LEO1: variants seen among roughly 807,000 people sequenced by gnomAD.
LEO1 encodes LEO1 component of Paf1/RNA polymerase II complex.
A neutral mutation model predicts 80.4 loss-of-function variants in LEO1; 34 were observed. The ratio of observed to expected loss-of-function variants is 0.42; its 90% CI spans 0.32 to 0.56. The LOEUF (loss-of-function observed/expected upper bound fraction) is 0.56. Ranked by LOEUF, LEO1 falls within the 20% of genes least tolerant of loss-of-function variation. The pLI, the probability that LEO1 is intolerant of heterozygous loss-of-function variation, is 0.10. For missense variants in LEO1, 631 were observed against 814.2 expected (o/e 0.77, Z 2.74); for synonymous variants, 262 against 274.9 (o/e 0.95, Z 0.46).
intron 2 of LEO1, among the ~76,000 whole-genome samples, chr15:51,963,807 CAGA>C (rs2057051366): frequency 6.8e-6 from 1 of 146,496 alleles, no homozygotes; most frequent in East Asian, 2.0e-4. Flanking sequence ...GAAGCTGAGG[CAGA>C]AGAATTGCTT....
chr15:51,965,912 C>T lies in LEO1; in HGVS notation c.651G>A (p.Pro217=), dbSNP rs141332132. The change falls in exon 2 of 12, where the codon CCG becomes CCA. Residue 217 remains proline (P), a synonymous_variant. Coordinates refer to ENST00000299601, the MANE Select transcript of LEO1 (RefSeq NM_138792.4). The stretch of plus-strand genomic sequence containing the variant: ...TCTCATCATCATTATCAGAAGCTAC[C>T]GGCCGTTCATCATCAGAATTAGCCT... ...EEKANSDDER[P]VASDNDDEKQ... 24 of 1,613,938 alleles carry T rather than the reference C, an allele frequency of 1.5e-5. No individual in the cohort carries two copies. In the African/African-American group the frequency reaches 2.3e-4, roughly 15 times the overall value.
rs2056888204 is a variant in LEO1 at position 51,945,155 on chromosome 15, G to T, written c.1896+2137C>A. On this transcript the variant is annotated intron_variant, in intron 11 of 11. Coordinates refer to ENST00000299601, the MANE Select transcript of LEO1 (RefSeq NM_138792.4). The stretch of plus-strand genomic sequence containing the variant: ...AAAACAGTCCATCGCAGTGGCTTAT[G>T]CCTGTAATCCCAGCACTTTGGGAAG... Among the ~76,000 whole-genome samples, 3 of 150,796 alleles carry T rather than the reference G, an allele frequency of 2.0e-5. No homozygotes were observed. The South Asian group carries it at 6.3e-4, about 32-fold the overall frequency.
At chr15:51,968,881 G>A (rs974321294) in intron 1 of LEO1, among the ~76,000 whole-genome samples, 1 of 151,670 alleles carries the variant, frequency 6.6e-6, no homozygotes, top group Admixed American at 6.6e-5. Context: ...GAAAATATTT[G>A]CAAACCATGT....
chr15:51,950,042 G>T, intron 9 of LEO1, 48 bp from the exon 10 acceptor site: 1 of 1,505,272 alleles, frequency 6.6e-7, no homozygotes. Flanking sequence ...AGCTACTTTT[G>T]TGCCCACTTG....
intron 3 of LEO1, among the ~76,000 whole-genome samples, chr15:51,961,780 A>G (rs1225226017): frequency 6.6e-6 from 1 of 152,110 alleles, no homozygotes; most frequent in Non-Finnish European, 1.5e-5. Context: ...GGAACAAAAC[A>G]CCGAGACTGT....
At chr15:51,955,419 G>A (rs2056981417) in intron 6 of LEO1, among the ~76,000 whole-genome samples, 1 of 152,190 alleles carries the variant, frequency 6.6e-6, no homozygotes, top group African/African-American at 2.4e-5. Flanking sequence ...TAGGTTTAGA[G>A]CCTAACTATC....
chr15:51,939,117 G>A (rs1971084), intron 11 of LEO1, among the ~76,000 whole-genome samples: 1,783 of 152,306 alleles, frequency 0.012, 25 homozygotes, highest in Non-Finnish European at 0.021. Flanking sequence ...CCCAGGAGGC[G>A]AAGGTTGCAG....
rs748166719 is a variant in LEO1 at position 51,949,908 on chromosome 15, G to A, written c.1698C>T (p.Ser566=). ...ATCGATCAGGTTCCAGGTAACTGGC[G>A]CTCAGCCCCCGCTGGTGCTGTTTCT... ...MREKQHQRGL[S]ASYLEPDRYD... The change falls in exon 10 of 12, where the codon AGC becomes AGT. Residue 566 remains serine, a synonymous_variant. Coordinates refer to ENST00000299601, the MANE Select transcript of LEO1 (RefSeq NM_138792.4). 3.1e-6 allele frequency: 5 copies of A among 1,613,984 alleles called. No homozygotes were observed. Among genetic ancestry groups the A allele is most frequent in the South Asian group, 2.2e-5 (2 of 91,068 alleles).
intron 9 of LEO1, among the ~76,000 whole-genome samples, chr15:51,951,505 T>A (rs1442246922): frequency 6.6e-6 from 1 of 152,264 alleles, no homozygotes. Context: ...CACTACTCTC[T>A]AGTATCTCCA....
At chr15:51,961,358 T>C (rs1187692727) in intron 3 of LEO1, among the ~76,000 whole-genome samples, 1 of 138,130 alleles carries the variant, frequency 7.2e-6, no homozygotes, top group Non-Finnish European at 1.5e-5. Context: ...TACCAGGTGG[T>C]GGTGGTGGTG....
chr15:51,943,942 G>A (rs961327812), intron 11 of LEO1, among the ~76,000 whole-genome samples: 1 of 152,004 alleles, frequency 6.6e-6, no homozygotes, highest in Non-Finnish European at 1.5e-5. Context: ...ACAGAATGAA[G>A]AAAAATGAAT....
At chr15:51,961,890 A>C (rs2057033869) in intron 3 of LEO1, among the ~76,000 whole-genome samples, 2 of 151,156 alleles carry the variant, frequency 1.3e-5, no homozygotes, top group Non-Finnish European at 3.0e-5. Flanking sequence ...GACTGGGCGC[A>C]GTGATTCACG....
intron 4 of LEO1, among the ~76,000 whole-genome samples, chr15:51,960,408 C>G (rs925812532): frequency 1.3e-5 from 2 of 152,170 alleles, no homozygotes; most frequent in African/African-American, 4.8e-5. Context: ...TCTCAAATCA[C>G]AAGTCCTCAC....
intron 10 of LEO1, 36 bp downstream of exon 10, chr15:51,949,772 C>A (rs780506527): frequency 1.3e-6 from 2 of 1,574,190 alleles, no homozygotes; most frequent in Admixed American, 1.7e-5. Context: ...TCCAGAATCC[C>A]GAAATGATGA....
intron 11 of LEO1, among the ~76,000 whole-genome samples, chr15:51,941,048 G>A (rs2056847684): frequency 6.6e-6 from 1 of 151,906 alleles, no homozygotes; most frequent in African/African-American, 2.4e-5. Context: ...ACTCCAGTCT[G>A]GGCAACAGAG....
chr15:51,966,419 A>G lies in LEO1; in HGVS notation c.144T>C (p.Asp48=). Residue 48 remains aspartate (D), a synonymous_variant, in exon 2 of 12, where the codon GAT becomes GAC. Coordinates refer to ENST00000299601, the MANE Select transcript of LEO1 (RefSeq NM_138792.4). Reference sequence around the variant, plus strand: ...TTGGTTGTCCTGAATCACCTCTTTCATCCTGATCACTTTCACTTCCAGAGG... The same window carrying G: ...TTGGTTGTCCTGAATCACCTCTTTCGTCCTGATCACTTTCACTTCCAGAGG... ...SNASGSESDQ[D]ERGDSGQPSN... The G allele has an allele frequency of 6.2e-7, 1 of 1,614,112 alleles. No individual in the cohort carries two copies.
intron 2 of LEO1, among the ~76,000 whole-genome samples, chr15:51,964,781 G>C (rs1443842041): frequency 6.6e-6 from 1 of 152,146 alleles, no homozygotes; most frequent in Non-Finnish European, 1.5e-5. Flanking sequence ...TGGAAATGAA[G>C]CAATCCAGGT....
chr15:51,955,918 G>C (rs2056985306), intron 6 of LEO1, among the ~76,000 whole-genome samples: 1 of 152,184 alleles, frequency 6.6e-6, no homozygotes, highest in African/African-American at 2.4e-5. Flanking sequence ...ATTTGTTTCA[G>C]AATAGTCTGG....
intron 7 of LEO1, 36 bp downstream of exon 7, chr15:51,954,445 G>T: frequency 2.4e-6 from 3 of 1,274,342 alleles, no homozygotes; most frequent in Non-Finnish European, 3.4e-6. Flanking sequence ...GACCCGTTCT[G>T]GGTATGTCAA....
Sources: allele counts gnomAD v4.1 joint callset (sites outside exome capture counted in the v4.1 genomes callset), GRCh38; gene constraint gnomAD v4.1.1; transcripts MANE v1.5; gene names NCBI Gene and HGNC (gene_info 2026-07-23, HGNC 2026-07-21).